The following ALK variants were observed in gnomAD, a reference collection of about 807,000 sequenced individuals.
The protein encoded by ALK is ALK tyrosine kinase receptor.
Under a neutral mutation model 163.1 loss-of-function variants are expected in ALK, and 74 were observed. The ratio of observed to expected loss-of-function variants is 0.45; its 90% CI spans 0.38 to 0.55. ALK has a LOEUF of 0.55. Among genes scored for constraint, ALK ranks in the 20% least tolerant of loss-of-function variants. The pLI is 0.00. For missense variants in ALK, 2,063 were observed against 2,105.3 expected (o/e 0.98, Z 0.39); for synonymous variants, 960 against 843.2 (o/e 1.14, Z -2.40).
chr2:29,209,707 G>T (rs2148154732), intron 25 of ALK, 79 bp downstream of exon 25: 1 of 1,041,140 alleles, frequency 9.6e-7, no homozygotes, highest in Non-Finnish European at 1.5e-6. Flanking sequence ...ATGATGTAAG[G>T]GACAAGCAGC....
At chr2:29,285,722 C>G (rs1282710182) in intron 9 of ALK, among the ~76,000 whole-genome samples, 2 of 151,960 alleles carry the variant, frequency 1.3e-5, no homozygotes, top group Non-Finnish European at 2.9e-5. Context: ...GCCACCATGT[C>G]CAGTTAATTT....
intron 8 of ALK, among the ~76,000 whole-genome samples, chr2:29,307,631 G>T (rs1209337420): frequency 6.6e-6 from 1 of 152,178 alleles, no homozygotes; most frequent in Non-Finnish European, 1.5e-5. Context: ...AACTTCAGCT[G>T]AGAATACTGA....
At chr2:29,429,493 T>A (rs1166433704) in intron 4 of ALK, among the ~76,000 whole-genome samples, 1 of 151,938 alleles carries the variant, frequency 6.6e-6, no homozygotes, top group Non-Finnish European at 1.5e-5. Context: ...AATAGTAGCA[T>A]AAAGAATAAA....
rs904766507 is a variant in ALK, at chr2:29,392,946, G to A, written c.1155-9087C>T. Among the ~76,000 whole-genome samples the A allele has an allele frequency of 4.6e-5, 7 of 152,134 alleles. No homozygotes were observed. The South Asian group carries it at 1.5e-3, about 32-fold the overall frequency. On this transcript the variant is annotated intron_variant, in intron 4 of 28. Coordinates refer to ENST00000389048, the MANE Select transcript of ALK (RefSeq NM_004304.5). ...GAGGTTCAATGTTCAAGGTTACTGA[G>A]TATTTAAGGTTACTGTGTTTAAGAT... is the stretch of plus-strand genomic sequence containing the variant.
Position 29,201,035 on chromosome 2 carries a change from C to G in ALK, c.3939-3359G>C, listed in dbSNP as rs554196849. ...AAAATATCAAGCTGTTCTGTATCAG[C>G]CTTTAAAAGCTACATTTTTCTCCTT... On this transcript the variant is annotated intron_variant, in intron 26 of 28. Coordinates refer to ENST00000389048, the MANE Select transcript of ALK (RefSeq NM_004304.5). Among the ~76,000 whole-genome samples, 3 of 151,474 alleles carry G rather than the reference C, an allele frequency of 2.0e-5. No homozygotes were observed. The East Asian group carries it at 5.8e-4, about 29-fold the overall frequency.
chr2:29,323,727 T>C (rs1667147641), intron 6 of ALK, among the ~76,000 whole-genome samples: 1 of 152,158 alleles, frequency 6.6e-6, no homozygotes, highest in African/African-American at 2.4e-5. Flanking sequence ...AGGCTGCAAC[T>C]GGGAAATCAC....
intron 12 of ALK, among the ~76,000 whole-genome samples, chr2:29,245,849 G>C (rs1437916461): frequency 3.9e-5 from 6 of 152,168 alleles, no homozygotes; most frequent in Non-Finnish European, 2.9e-5. Flanking sequence ...CACAGTTGGG[G>C]CTCCATGGCT....
At chr2:29,699,760 C>T (rs1678678050) in intron 2 of ALK, among the ~76,000 whole-genome samples, 1 of 152,218 alleles carries the variant, frequency 6.6e-6, no homozygotes, top group African/African-American at 2.4e-5. Flanking sequence ...AAAAGACACA[C>T]TTTCCAGGAC....
intron 5 of ALK, among the ~76,000 whole-genome samples, chr2:29,352,847 ACAGTGAAAGAGAT>A: frequency 6.6e-6 from 1 of 152,338 alleles, no homozygotes; most frequent in East Asian, 1.9e-4. Flanking sequence ...TAAAATTATG[ACAGTGAAAGAGAT>A]CTGACCTGAT....
At chr2:29,254,723 A>T (rs1664909400) in intron 11 of ALK, among the ~76,000 whole-genome samples, 1 of 152,210 alleles carries the variant, frequency 6.6e-6, no homozygotes, top group Non-Finnish European at 1.5e-5. Flanking sequence ...GCTTAGTACA[A>T]CATTCAGCAT....
chr2:29,449,576 T>A (rs1008029851), intron 4 of ALK, among the ~76,000 whole-genome samples: 3 of 152,168 alleles, frequency 2.0e-5, no homozygotes, highest in Admixed American at 1.3e-4. Flanking sequence ...CCATCTTACT[T>A]CACCTGGGCA....
intron 9 of ALK, among the ~76,000 whole-genome samples, chr2:29,284,721 T>C (rs950724140): frequency 2.0e-5 from 3 of 152,180 alleles, no homozygotes; most frequent in African/African-American, 7.2e-5. Flanking sequence ...AAGCTCAGAA[T>C]TGCTAATCTA....
chr2:29,468,567 C>T (rs959789883), intron 4 of ALK, among the ~76,000 whole-genome samples: 2 of 152,018 alleles, frequency 1.3e-5, no homozygotes, highest in African/African-American at 4.8e-5. Flanking sequence ...AATGAATAGC[C>T]AGCTCAGCTC....
chr2:29,397,222 C>T (rs895067741), intron 4 of ALK, among the ~76,000 whole-genome samples: 15 of 152,066 alleles, frequency 9.9e-5, no homozygotes, highest in Admixed American at 6.6e-5. Context: ...TCCAATATGA[C>T]TATATTCTTA....
At chr2:29,352,670 A>G (rs938076242) in intron 5 of ALK, among the ~76,000 whole-genome samples, 1 of 152,370 alleles carries the variant, frequency 6.6e-6, no homozygotes, top group East Asian at 1.9e-4. Context: ...ATCCATCTGC[A>G]GAGGAATTGT....
intron 3 of ALK, among the ~76,000 whole-genome samples, chr2:29,564,748 C>T (rs958759982): frequency 6.6e-6 from 1 of 152,198 alleles, no homozygotes; most frequent in African/African-American, 2.4e-5. Context: ...TCTCAGGTTC[C>T]ACTCAGAGGT....
At chr2:29,891,163 A>T (rs1025107384) in intron 1 of ALK, among the ~76,000 whole-genome samples, 16 of 152,228 alleles carry the variant, frequency 1.1e-4, no homozygotes, top group African/African-American at 3.9e-4. Flanking sequence ...GAGGAAAAAG[A>T]GGGGCCTTCC....
chr2:29,506,885 T>C (rs868321003), intron 4 of ALK, among the ~76,000 whole-genome samples: 3 of 151,878 alleles, frequency 2.0e-5, no homozygotes, highest in African/African-American at 7.3e-5. Context: ...AAAATATCAG[T>C]GAGGATGTAG....
chr2:29,803,433 T>C (rs1440050892), intron 1 of ALK, among the ~76,000 whole-genome samples: 3 of 152,206 alleles, frequency 2.0e-5, no homozygotes, highest in African/African-American at 4.8e-5. Context: ...AAAACAATAA[T>C]TGGTTGTTTA....
Sources: gnomAD v4.1 joint callset for allele counts (sites outside exome capture counted in the v4.1 genomes callset) on GRCh38, gnomAD v4.1.1 for gene constraint, MANE v1.5 for transcripts, NCBI Gene and HGNC (gene_info 2026-07-23, HGNC 2026-07-21) for gene names.